Variants in ZNF438 observed in about 807,000 individuals in gnomAD.
ZNF438 encodes the protein zinc finger protein 438.
ZNF438 carries 25 observed loss-of-function variants against 38.0 expected under a neutral mutation model. The observed-to-expected ratio is 0.66, with a 90% CI of 0.48 to 0.92. The LOEUF is 0.92. Ranked by LOEUF, ZNF438 falls within the 40% of genes least tolerant of loss-of-function variation. ZNF438 has a pLI of 0.00. For synonymous variants in ZNF438, 372 were observed against 364.1 expected (o/e 1.02, Z -0.25); for missense variants, 1,007 against 999.6 (o/e 1.01, Z -0.10).
intron 1 of ZNF438, among the ~76,000 whole-genome samples, chr10:31,010,921 A>AAAAAAAAAAAG (rs2055632544): frequency 7.4e-6 from 1 of 135,606 alleles, no homozygotes; most frequent in African/African-American, 2.7e-5. Flanking sequence ...AAAAAAAAAA[A>AAAAAAAAAAAG]AGATTTTGTT....
intron 1 of ZNF438, among the ~76,000 whole-genome samples, chr10:31,009,486 C>T (rs1392563152): frequency 6.6e-6 from 1 of 152,150 alleles, no homozygotes; most frequent in African/African-American, 2.4e-5. Context: ...CACAGTTATA[C>T]CAAGGATAGT....
chr10:30,860,484 C>A (rs891095985), intron 4 of ZNF438, among the ~76,000 whole-genome samples: 3 of 152,174 alleles, frequency 2.0e-5, no homozygotes, highest in African/African-American at 7.2e-5. Context: ...TATCAGTGAA[C>A]CTTCAGAGGG....
At chr10:30,951,491 C>T (rs1260773275) in intron 1 of ZNF438, among the ~76,000 whole-genome samples, 3 of 151,852 alleles carry the variant, frequency 2.0e-5, no homozygotes, top group Admixed American at 6.6e-5. Flanking sequence ...ATTGTATATC[C>T]AGAAAACCCC....
At chr10:30,987,709 C>T (rs968245219) in intron 1 of ZNF438, among the ~76,000 whole-genome samples, 16 of 151,924 alleles carry the variant, frequency 1.1e-4, no homozygotes, top group African/African-American at 3.6e-4. Flanking sequence ...CATCCAAGTG[C>T]ACACACCCAG....
intron 2 of ZNF438, among the ~76,000 whole-genome samples, chr10:30,914,480 G>A (rs552594690): frequency 5.9e-5 from 9 of 151,914 alleles, no homozygotes; most frequent in African/African-American, 2.2e-4. Flanking sequence ...AGAAAAACTA[G>A]GAAAATCTGA....
exon 5 of ZNF438, chr10:30,849,270 C>T: frequency 6.2e-7 from 1 of 1,614,168 alleles, no homozygotes; most frequent in Non-Finnish European, 8.5e-7. Context: ...CTCTTTGCTG[C>T]TCCACTGTTC....
chr10:30,963,689 G>GGCCAAGAT (rs1460908002), intron 1 of ZNF438, among the ~76,000 whole-genome samples: 1 of 151,970 alleles, frequency 6.6e-6, no homozygotes, highest in Non-Finnish European at 1.5e-5. Context: ...AGACCAGCCC[G>GGCCAAGAT]GCCAAGATGG....
intron 1 of ZNF438, among the ~76,000 whole-genome samples, chr10:31,018,237 C>T (rs757843127): frequency 6.6e-6 from 1 of 152,218 alleles, no homozygotes; most frequent in Non-Finnish European, 1.5e-5. Flanking sequence ...TCAGTCAATT[C>T]AGACCACAGG....
At chr10:30,854,767 GACAC>G (rs1212006453) in intron 4 of ZNF438, among the ~76,000 whole-genome samples, 2 of 152,148 alleles carry the variant, frequency 1.3e-5, no homozygotes, top group Non-Finnish European at 2.9e-5. Flanking sequence ...ACAGAAAACA[GACAC>G]ACAGAGAGGA....
intron 3 of ZNF438, among the ~76,000 whole-genome samples, chr10:30,878,697 G>C (rs2038807453): frequency 6.6e-6 from 1 of 152,152 alleles, no homozygotes; most frequent in Non-Finnish European, 1.5e-5. Context: ...TAAGCTAAGA[G>C]GGCATTGTAG....
intron 2 of ZNF438, among the ~76,000 whole-genome samples, chr10:30,915,731 C>T (rs1332933478): frequency 5.9e-5 from 9 of 151,980 alleles, no homozygotes; most frequent in Non-Finnish European, 1.3e-4. Flanking sequence ...ATTTTTATCA[C>T]AGTGAAGTTG....
At chr10:30,877,093 T>C (rs1313118744) in intron 3 of ZNF438, 28 bp from the exon 5 acceptor site, 18 of 1,427,736 alleles carry the variant, frequency 1.3e-5, no homozygotes, top group Non-Finnish European at 1.6e-5. Context: ...CAAATAAGTA[T>C]TAGAAAGTAA....
chr10:30,881,115 C>T (rs1001083419), intron 3 of ZNF438, among the ~76,000 whole-genome samples: 8 of 152,040 alleles, frequency 5.3e-5, no homozygotes, highest in Non-Finnish European at 5.9e-5. Flanking sequence ...TCTATTCAAC[C>T]CTGTATTGGA....
At chr10:31,016,188 T>G (rs1028045826) in intron 1 of ZNF438, among the ~76,000 whole-genome samples, 4 of 152,176 alleles carry the variant, frequency 2.6e-5, no homozygotes, top group African/African-American at 9.7e-5. Context: ...AATTTTAATA[T>G]AAATATGTAA....
At chr10:30,856,005 T>A (rs2034562995) in intron 4 of ZNF438, among the ~76,000 whole-genome samples, 1 of 152,180 alleles carries the variant, frequency 6.6e-6, no homozygotes. Flanking sequence ...GTTTAATGAA[T>A]GAAAGGAAAA....
chr10:31,001,254 T>C (rs2054629704), intron 1 of ZNF438, among the ~76,000 whole-genome samples: 1 of 152,254 alleles, frequency 6.6e-6, no homozygotes, highest in Admixed American at 6.5e-5. Context: ...TTTGACATTA[T>C]TAAAAGCTGT....
intron 1 of ZNF438, among the ~76,000 whole-genome samples, chr10:31,023,159 C>T (rs2056723005): frequency 6.6e-6 from 1 of 152,140 alleles, no homozygotes; most frequent in Non-Finnish European, 1.5e-5. Flanking sequence ...GTAATATAAT[C>T]ACTAATCTTT....
intron 1 of ZNF438, among the ~76,000 whole-genome samples, chr10:30,954,105 T>C (rs1456844847): frequency 6.6e-6 from 1 of 152,050 alleles, no homozygotes; most frequent in African/African-American, 2.4e-5. Flanking sequence ...ATCGCACCAC[T>C]GCACTCCAGC....
chr10:30,877,764 A>T (rs1412772795), intron 3 of ZNF438, among the ~76,000 whole-genome samples: 1 of 152,230 alleles, frequency 6.6e-6, no homozygotes, highest in Non-Finnish European at 1.5e-5. Context: ...TGAATAAGAC[A>T]ATTCAAATAT....
Sources: allele counts gnomAD v4.1 joint callset (sites outside exome capture counted in the v4.1 genomes callset), GRCh38; gene constraint gnomAD v4.1.1; transcripts MANE v1.5; gene names NCBI Gene and HGNC (gene_info 2026-07-23, HGNC 2026-07-21).